NEGR1: variants seen among roughly 807,000 people sequenced by gnomAD.
The protein encoded by NEGR1 is neuronal growth regulator 1, also known as IgLON family member 4.
Under a neutral mutation model 40.9 loss-of-function variants are expected in NEGR1, and 10 were observed. That is an observed-to-expected ratio of 0.24 (90% CI 0.15 to 0.42). The LOEUF (loss-of-function observed/expected upper bound fraction) is 0.42. NEGR1 is among the 10% of genes least tolerant of loss of function. The probability of loss-of-function intolerance (pLI) is 1.00; values close to 1 mark genes in which losing one functional copy is unlikely to be tolerated. For synonymous variants in NEGR1, 185 were observed against 166.8 expected (o/e 1.11, Z -0.84); for missense variants, 352 against 438.9 (o/e 0.80, Z 1.77).
intron 1 of NEGR1, among the ~76,000 whole-genome samples, chr1:72,058,220 G>A (rs1647129693): frequency 6.6e-6 from 1 of 151,256 alleles, no homozygotes; most frequent in African/African-American, 2.4e-5. Flanking sequence ...CAAGTAAGTT[G>A]GAAAGAAATG....
chr1:72,274,484 C>T, intron 1 of NEGR1: 1 of 613,672 alleles, frequency 1.6e-6, no homozygotes, highest in East Asian at 2.9e-5. Context: ...CATAGCTACA[C>T]TGATTAAAAG....
chr1:72,213,816 A>C (rs1446969257), intron 1 of NEGR1, among the ~76,000 whole-genome samples: 1 of 152,098 alleles, frequency 6.6e-6, no homozygotes, highest in Non-Finnish European at 1.5e-5. Context: ...ATTCCTTCCG[A>C]AACTATCCCA....
intron 3 of NEGR1, among the ~76,000 whole-genome samples, chr1:71,761,634 G>C (rs1655945420): frequency 2.0e-5 from 3 of 152,022 alleles, no homozygotes; most frequent in Admixed American, 6.6e-5. Context: ...ATATTGCTAT[G>C]TGGCCCTTTT....
intron 2 of NEGR1, among the ~76,000 whole-genome samples, chr1:71,867,620 G>T (rs1660156973): frequency 6.6e-6 from 1 of 152,052 alleles, no homozygotes; most frequent in East Asian, 1.9e-4. Context: ...GATTAGAATT[G>T]CCGTACTATG....
chr1:72,041,303 C>T (rs1289075266), intron 1 of NEGR1, among the ~76,000 whole-genome samples: 2 of 151,852 alleles, frequency 1.3e-5, no homozygotes, highest in Non-Finnish European at 2.9e-5. Flanking sequence ...TACAAATTTC[C>T]TTTACAGGGG....
At chr1:72,199,827 A>G (rs1476121203) in intron 1 of NEGR1, among the ~76,000 whole-genome samples, 3 of 151,912 alleles carry the variant, frequency 2.0e-5, no homozygotes, top group Non-Finnish European at 2.9e-5. Flanking sequence ...CTTAAATAAA[A>G]CAGCACACAA....
Position 71,961,870 on chromosome 1 carries a change from T to C in NEGR1, c.177-26559A>G, listed in dbSNP as rs116816031. Among the ~76,000 whole-genome samples the C allele has an allele frequency of 4.7e-3, 719 of 152,204 alleles. 2 individuals are homozygous for C. Among genetic ancestry groups the C allele is most frequent in the African/African-American group, 0.016 (664 of 41,566 alleles). ...ATTCCATTTTTCCACTTACTAGTTA[T>C]ATGAGTTGAGAAAGCCACATAACTT... is the stretch of plus-strand genomic sequence containing the variant. On this transcript the variant is annotated intron_variant, in intron 1 of 6. Transcript: ENST00000357731.
intron 3 of NEGR1, among the ~76,000 whole-genome samples, chr1:71,773,635 A>G (rs895011220): frequency 6.6e-6 from 1 of 152,190 alleles, no homozygotes; most frequent in Non-Finnish European, 1.5e-5. Context: ...AATGTAGATC[A>G]TTAATAAATT....
chr1:71,926,225 A>C (rs1425952117), intron 2 of NEGR1, among the ~76,000 whole-genome samples: 1 of 152,112 alleles, frequency 6.6e-6, no homozygotes, highest in African/African-American at 2.4e-5. Flanking sequence ...GTTATCAAAA[A>C]CAGAAATACT....
intron 1 of NEGR1, among the ~76,000 whole-genome samples, chr1:71,993,879 T>C (rs1292091082): frequency 1.3e-5 from 2 of 152,178 alleles, no homozygotes; most frequent in South Asian, 2.1e-4. Flanking sequence ...ACCCTGGAGA[T>C]ACTCTCCAAA....
intron 1 of NEGR1, among the ~76,000 whole-genome samples, chr1:72,251,249 T>C (rs1655078298): frequency 6.6e-6 from 1 of 152,238 alleles, no homozygotes; most frequent in Admixed American, 6.5e-5. Flanking sequence ...ATCCACCATG[T>C]ATTTTTCTTT....
chr1:71,805,317 C>T (rs903771005), intron 2 of NEGR1, among the ~76,000 whole-genome samples: 2 of 152,124 alleles, frequency 1.3e-5, no homozygotes, highest in African/African-American at 2.4e-5. Flanking sequence ...GACCTACATC[C>T]TATTTGTACA....
chr1:72,099,770 T>C (rs1210069329), intron 1 of NEGR1, among the ~76,000 whole-genome samples: 1 of 151,948 alleles, frequency 6.6e-6, no homozygotes, highest in African/African-American at 2.4e-5. Flanking sequence ...ATTTTAAACA[T>C]GTTCTACATA....
At chr1:71,980,026 T>G (rs961053015) in intron 1 of NEGR1, among the ~76,000 whole-genome samples, 4 of 152,100 alleles carry the variant, frequency 2.6e-5, no homozygotes, top group Non-Finnish European at 5.9e-5. Flanking sequence ...GTACTGCAAC[T>G]ATGAAGAAAA....
intron 2 of NEGR1, among the ~76,000 whole-genome samples, chr1:71,782,124 G>A (rs1001719166): frequency 2.6e-5 from 4 of 152,074 alleles, no homozygotes; most frequent in African/African-American, 4.8e-5. Context: ...CTTAACCCCC[G>A]AGGTGATACT....
chr1:71,769,952 G>A (rs1211592405), intron 3 of NEGR1, among the ~76,000 whole-genome samples: 1 of 152,124 alleles, frequency 6.6e-6, no homozygotes, highest in Non-Finnish European at 1.5e-5. Flanking sequence ...TGAAGTTTAA[G>A]GAAGTTAACA....
chr1:71,577,593 C>G (rs1017303607), intron 6 of NEGR1, among the ~76,000 whole-genome samples: 15 of 152,188 alleles, frequency 9.9e-5, no homozygotes, highest in African/African-American at 3.6e-4. Context: ...TATACATGCA[C>G]ATGCACTTTA....
chr1:72,121,998 C>T (rs1038045303), intron 1 of NEGR1, among the ~76,000 whole-genome samples: 1 of 151,678 alleles, frequency 6.6e-6, no homozygotes, highest in African/African-American at 2.4e-5. Flanking sequence ...ACCCAGATAC[C>T]AAACTAAATA....
chr1:71,916,839 G>C (rs1355360956), intron 2 of NEGR1, among the ~76,000 whole-genome samples: 2 of 152,168 alleles, frequency 1.3e-5, no homozygotes, highest in African/African-American at 4.8e-5. Flanking sequence ...TCATTAGACA[G>C]ATTATTCCCA....
Sources: allele counts gnomAD v4.1 joint callset (sites outside exome capture counted in the v4.1 genomes callset), GRCh38; gene constraint gnomAD v4.1.1; transcripts MANE v1.5; gene names NCBI Gene and HGNC (gene_info 2026-07-23, HGNC 2026-07-21).